The following CCDC66 variants were observed in gnomAD, a reference collection of about 807,000 sequenced individuals.
CCDC66 encodes the protein coiled-coil domain-containing protein 66.
In CCDC66, 133 loss-of-function variants were observed where a neutral mutation model predicts 128.3. The observed-to-expected ratio is 1.04, with a 90% CI of 0.90 to 1.20. The LOEUF (loss-of-function observed/expected upper bound fraction) is 1.20, where lower values mean the gene tolerates loss of function less well. Ranked by LOEUF, CCDC66 falls within the 50% of genes most tolerant of loss-of-function variation. The pLI is 0.00. For synonymous variants in CCDC66, 387 were observed against 357.0 expected (o/e 1.08, Z -0.95); for missense variants, 1,126 against 1,075.5 (o/e 1.05, Z -0.66).
At chr3:56,564,918 T>C (rs1352266235) in intron 4 of CCDC66, among the ~76,000 whole-genome samples, 1 of 152,208 alleles carries the variant, frequency 6.6e-6, no homozygotes, top group Non-Finnish European at 1.5e-5. Context: ...ATGAGGGAGC[T>C]GGATTTTGTC....
chr3:56,576,252 T>C (rs1199369655), intron 7 of CCDC66, among the ~76,000 whole-genome samples: 1 of 151,340 alleles, frequency 6.6e-6, no homozygotes, highest in Non-Finnish European at 1.5e-5. Flanking sequence ...TCCTCCTTGG[T>C]TAAGTTTTTC....
intron 10 of CCDC66, among the ~76,000 whole-genome samples, chr3:56,606,881 C>T (rs1378148452): frequency 6.6e-6 from 1 of 151,552 alleles, no homozygotes; most frequent in African/African-American, 2.4e-5. Context: ...TATTCCAACA[C>T]CATTTGTTGA....
At chr3:56,571,376 T>A (rs1267920356) in intron 7 of CCDC66, 74 bp downstream of exon 7, 1 of 843,494 alleles carries the variant, frequency 1.2e-6, no homozygotes, top group South Asian at 2.0e-5. Flanking sequence ...TAAAGCTTAT[T>A]AAAAAAAAAA....
intron 4 of CCDC66, among the ~76,000 whole-genome samples, chr3:56,565,655 TGCCCAGGCTGGAGTCTCGCTGCGTC>T (rs1187193317): frequency 2.6e-5 from 4 of 151,058 alleles, no homozygotes; most frequent in East Asian, 2.0e-4. Context: ...CTCGCTCCGT[TGCCCAGGCTGGAGTCTCGCTGCGTC>T]GCCCAGGCTG....
At chr3:56,577,239 C>G (rs1383012262) in intron 7 of CCDC66, among the ~76,000 whole-genome samples, 2 of 151,798 alleles carry the variant, frequency 1.3e-5, no homozygotes, top group Non-Finnish European at 2.9e-5. Context: ...AGTGTCTGTT[C>G]ATATCCTTTG....
chr3:56,592,861 A>G, intron 7 of CCDC66, 109 bp from the exon 8 acceptor site: 1 of 1,076,000 alleles, frequency 9.3e-7, no homozygotes, highest in Admixed American at 2.5e-5. Context: ...TCTTACAGAT[A>G]AATGCCTCAG....
chr3:56,574,266 G>A (rs372658562), intron 7 of CCDC66, among the ~76,000 whole-genome samples: 1 of 150,784 alleles, frequency 6.6e-6, no homozygotes, highest in African/African-American at 2.4e-5. Flanking sequence ...GGAGGCTGAG[G>A]CAGGAGAATT....
At chr3:56,560,937 C>T in intron 3 of CCDC66, 1 of 456,458 alleles carries the variant, frequency 2.2e-6, no homozygotes, top group Non-Finnish European at 4.4e-6. Context: ...AACTCTAAGC[C>T]CTTGATGGCT....
chr3:56,560,598 T>C (rs1331861636), intron 3 of CCDC66, among the ~76,000 whole-genome samples: 1 of 152,072 alleles, frequency 6.6e-6, no homozygotes, highest in Non-Finnish European at 1.5e-5. Flanking sequence ...GTGGTGGCGC[T>C]AGTCCCAGCT....
intron 11 of CCDC66, 98 bp downstream of exon 11, chr3:56,613,848 ATAGCTCACTGCAGTCTTGAC>A: frequency 3.1e-6 from 3 of 962,102 alleles, no homozygotes; most frequent in Non-Finnish European, 4.8e-6. Flanking sequence ...TGGTGCAATC[ATAGCTCACTGCAGTCTTGAC>A]CTCTGGGCAC....
chr3:56,598,990 G>T (rs1299369122), intron 10 of CCDC66, among the ~76,000 whole-genome samples: 2 of 152,026 alleles, frequency 1.3e-5, no homozygotes, highest in Non-Finnish European at 2.9e-5. Flanking sequence ...AGTTTGGGAA[G>T]AATTGGTTAG....
chr3:56,576,964 T>C (rs2067483607), intron 7 of CCDC66, among the ~76,000 whole-genome samples: 1 of 151,890 alleles, frequency 6.6e-6, no homozygotes, highest in Non-Finnish European at 1.5e-5. Flanking sequence ...TCAAATAGTA[T>C]TTCTAGTTCT....
rs1258817127 is a variant in CCDC66, at chr3:56,615,160, C to A, written c.1599C>A (p.Phe533Leu). The A allele has an allele frequency of 6.2e-7, 1 of 1,613,858 alleles. No individual in the cohort carries two copies. The highest frequency in any genetic ancestry group is 8.5e-7 in the Non-Finnish European group (1 of 1,179,926). ...TGACTCTCAAGACAAATGAGCTATT[C>A]CAGACAATGCAGCGAGCACAGGAAC... ...EIMTLKTNEL[F>L]QTMQRAQELA... is the part of the protein sequence containing the mutation. The change falls in exon 12 of 18, where the codon TTC becomes TTA. Residue 533 changes from phenylalanine (F) to leucine (L), a missense_variant. Coordinates refer to ENST00000394672, the MANE Select transcript of CCDC66 (RefSeq NM_001141947.3).
chr3:56,586,418 C>T (rs1376738917), intron 7 of CCDC66, among the ~76,000 whole-genome samples: 4 of 151,370 alleles, frequency 2.6e-5, no homozygotes, highest in Admixed American at 2.0e-4. Context: ...GTAATCCCAG[C>T]TACTCAGGAG....
chr3:56,620,489 A>ATACTC (rs1289151396), intron 17 of CCDC66: 3 of 152,312 alleles, frequency 2.0e-5, no homozygotes, highest in African/African-American at 7.2e-5. Context: ...GATTCACTAT[A>ATACTC]TACTCTCTGT....
At chr3:56,570,328 T>G (rs547848064) in intron 6 of CCDC66, 1 of 152,316 alleles carries the variant, frequency 6.6e-6, no homozygotes, top group South Asian at 2.1e-4. Context: ...GGCTTTTATG[T>G]TTTTTACTTG....
intron 10 of CCDC66, among the ~76,000 whole-genome samples, chr3:56,597,795 G>C (rs1368579085): frequency 7.6e-4 from 1 of 1,312 alleles, no homozygotes; most frequent in African/African-American, 1.4e-3. Context: ...TTTTTTTTGA[G>C]ACAGAGCCTC....
chr3:56,572,565 T>A (rs199885348), intron 7 of CCDC66: 1 of 54,188 alleles, frequency 1.8e-5, no homozygotes, highest in Non-Finnish European at 4.6e-5. Context: ...GTATTATGCT[T>A]CATTTGCTAT....
At position 56,604,181 on chromosome 3, in the gene CCDC66, A is replaced by C. The variant is rs568581067; in HGVS notation, c.1405-9408A>C. On this transcript the variant is annotated intron_variant, in intron 10 of 17. Transcript: ENST00000394672. ...GAGCCTATGTGTGTCTCTGCGTGTGAGATGGGTCTCCTGAATACAGCACAC... is the reference window on the plus strand; with the variant it reads ...GAGCCTATGTGTGTCTCTGCGTGTGCGATGGGTCTCCTGAATACAGCACAC... Among the ~76,000 whole-genome samples the C allele has an allele frequency of 2.6e-5, 4 of 152,146 alleles. No individual in the cohort carries two copies. In the South Asian group the frequency reaches 8.3e-4, roughly 32 times the overall value.
Sources: gnomAD v4.1 joint callset for allele counts (sites outside exome capture counted in the v4.1 genomes callset) on GRCh38, gnomAD v4.1.1 for gene constraint, MANE v1.5 for transcripts, NCBI Gene and HGNC (gene_info 2026-07-23, HGNC 2026-07-21) for gene names.